Variants in MYRIP observed in about 807,000 individuals in gnomAD.
MYRIP encodes rab effector MyRIP.
In MYRIP, 49 loss-of-function variants were observed where a neutral mutation model predicts 98.0. The ratio of observed to expected loss-of-function variants is 0.50; its 90% CI spans 0.40 to 0.63. The LOEUF (loss-of-function observed/expected upper bound fraction) is 0.63. Ranked by LOEUF, MYRIP falls within the 30% of genes least tolerant of loss-of-function variation. The pLI is 0.00. For missense variants in MYRIP, 1,004 were observed against 1,058.2 expected (o/e 0.95, Z 0.71); for synonymous variants, 404 against 409.5 (o/e 0.99, Z 0.16).
At chr3:40,096,739 G>C (rs1010857614) in intron 3 of MYRIP, among the ~76,000 whole-genome samples, 1 of 152,210 alleles carries the variant, frequency 6.6e-6, no homozygotes, top group Non-Finnish European at 1.5e-5. Context: ...GCATCTCAGA[G>C]CAGCAGGGCT....
In MYRIP at chr3:39,827,067, C is replaced by T. The variant is rs114360843; in HGVS notation, c.-31+17151C>T. Among the ~76,000 whole-genome samples, 565 of 152,106 alleles carry T rather than the reference C, an allele frequency of 3.7e-3. 5 individuals are homozygous for T. Among genetic ancestry groups the T allele is most frequent in the Non-Finnish European group, 6.0e-3 (408 of 67,984 alleles). ...GTGTCTTTCCAGGTAAGGTGAGTTT[C>T]TTGTATACAGCATATAGTAGGGTTT... On this transcript the variant is annotated intron_variant, in intron 1 of 16. Transcript: ENST00000302541.
intron 10 of MYRIP, among the ~76,000 whole-genome samples, chr3:40,192,196 A>G (rs1951233230): frequency 6.7e-6 from 1 of 149,198 alleles, no homozygotes; most frequent in African/African-American, 2.5e-5. Flanking sequence ...GGCTCAAACG[A>G]TCCTTCTACT....
At chr3:40,095,686 A>C (rs1191308973) in intron 3 of MYRIP, among the ~76,000 whole-genome samples, 2 of 152,114 alleles carry the variant, frequency 1.3e-5, no homozygotes, top group Non-Finnish European at 2.9e-5. Context: ...GCAGACATGC[A>C]GTCACACACA....
chr3:40,062,660 T>A (rs900518654), intron 3 of MYRIP, among the ~76,000 whole-genome samples: 5 of 152,198 alleles, frequency 3.3e-5, no homozygotes, highest in Non-Finnish European at 4.4e-5. Context: ...CTTTACATTT[T>A]AACGTTTCTG....
intron 3 of MYRIP, chr3:40,100,234 GA>G: frequency 1.0e-6 from 1 of 985,408 alleles, no homozygotes; most frequent in African/African-American, 1.7e-5. Flanking sequence ...TTGGCAGAAA[GA>G]AAACCACCAG....
At chr3:40,117,194 T>G (rs150414630) in intron 3 of MYRIP, among the ~76,000 whole-genome samples, 174 of 152,324 alleles carry the variant, frequency 1.1e-3, no homozygotes, top group South Asian at 3.5e-3. Flanking sequence ...GTGGCCAGTT[T>G]AGAAAAATTT....
At chr3:40,005,771 T>C (rs149102381) in intron 2 of MYRIP, among the ~76,000 whole-genome samples, 9 of 152,316 alleles carry the variant, frequency 5.9e-5, no homozygotes, top group African/African-American at 2.2e-4. Context: ...ATATATAATA[T>C]CATGTAATAC....
At chr3:39,936,439 C>T (rs1365823353) in intron 2 of MYRIP, among the ~76,000 whole-genome samples, 1 of 152,112 alleles carries the variant, frequency 6.6e-6, no homozygotes, top group Non-Finnish European at 1.5e-5. Context: ...GAAGGGACCA[C>T]GAAGGCCAAC....
At chr3:40,093,412 A>G (rs377679165) in intron 3 of MYRIP, among the ~76,000 whole-genome samples, 13 of 152,354 alleles carry the variant, frequency 8.5e-5, no homozygotes, top group African/African-American at 3.1e-4. Flanking sequence ...CCTGTGTTCC[A>G]CAGGACCGAA....
chr3:40,005,933 G>C (rs143195698), intron 2 of MYRIP, among the ~76,000 whole-genome samples: 5 of 152,182 alleles, frequency 3.3e-5, no homozygotes, highest in African/African-American at 1.2e-4. Context: ...GTCACAGGGG[G>C]ATTTAATTTG....
intron 2 of MYRIP, among the ~76,000 whole-genome samples, chr3:40,033,472 T>G (rs1947306415): frequency 6.6e-6 from 1 of 152,190 alleles, no homozygotes; most frequent in South Asian, 2.1e-4. Context: ...CGTTCACAGT[T>G]GTTTCAAAGA....
chr3:39,848,560 T>C (rs2125603020), intron 1 of MYRIP, among the ~76,000 whole-genome samples: 1 of 152,356 alleles, frequency 6.6e-6, no homozygotes, highest in African/African-American at 2.4e-5. Flanking sequence ...CATAGTCACA[T>C]GACACTGCTA....
chr3:40,048,920 A>G (rs768253711), intron 3 of MYRIP, among the ~76,000 whole-genome samples: 2 of 152,164 alleles, frequency 1.3e-5, no homozygotes, highest in Non-Finnish European at 2.9e-5. Flanking sequence ...TTCATTATAT[A>G]TAGATTTATC....
intron 3 of MYRIP, among the ~76,000 whole-genome samples, chr3:40,055,332 G>A (rs1381038099): frequency 6.6e-6 from 1 of 152,132 alleles, no homozygotes; most frequent in Non-Finnish European, 1.5e-5. Context: ...AAAATAAAAT[G>A]GGAAAGTTTA....
intron 2 of MYRIP, among the ~76,000 whole-genome samples, chr3:39,939,063 C>T (rs1944721850): frequency 6.6e-6 from 1 of 152,174 alleles, no homozygotes; most frequent in Non-Finnish European, 1.5e-5. Flanking sequence ...TGCAGTCAGC[C>T]TCTGTGGGTC....
chr3:39,983,683 C>G lies in MYRIP; in HGVS notation c.111-60367C>G, dbSNP rs555165566. ...GTGGAGGAGACAGTTGACAAATGAA[C>G]AAATGAAGAGATATACAAAGTCACT... On this transcript the variant is annotated intron_variant, in intron 2 of 16. Coordinates refer to ENST00000302541, the MANE Select transcript of MYRIP (RefSeq NM_015460.4). Among the ~76,000 whole-genome samples, 7 of 152,124 alleles carry G rather than the reference C, an allele frequency of 4.6e-5. No individual in the cohort carries two copies. In the South Asian group the frequency reaches 1.5e-3, roughly 32 times the overall value.
At chr3:39,974,159 C>G (rs1192434530) in intron 2 of MYRIP, among the ~76,000 whole-genome samples, 1 of 138,408 alleles carries the variant, frequency 7.2e-6, no homozygotes, top group Non-Finnish European at 1.7e-5. Context: ...GCTAGCAAGA[C>G]TAATAAAGAA....
chr3:39,818,274 G>C (rs1261917643), intron 1 of MYRIP, among the ~76,000 whole-genome samples: 1 of 152,160 alleles, frequency 6.6e-6, no homozygotes, highest in Non-Finnish European at 1.5e-5. Flanking sequence ...GCCATCGGTA[G>C]TATATGAGTA....
At chr3:40,190,538 A>G in intron 10 of MYRIP, 75 bp downstream of exon 10, 1 of 1,502,378 alleles carries the variant, frequency 6.7e-7, no homozygotes, top group South Asian at 1.4e-5. Flanking sequence ...CACAAGTGGC[A>G]TAGAGTCCTG....
Sources: allele counts gnomAD v4.1 joint callset (sites outside exome capture counted in the v4.1 genomes callset), GRCh38; gene constraint gnomAD v4.1.1; transcripts MANE v1.5; gene names NCBI Gene and HGNC (gene_info 2026-07-23, HGNC 2026-07-21).